UBE3A: variants seen among roughly 807,000 people sequenced by gnomAD.
The protein encoded by UBE3A is ubiquitin protein ligase E3A, also known as ubiquitin-protein ligase E3A.
In UBE3A, 6 loss-of-function variants were observed where a neutral mutation model predicts 83.4. The ratio of observed to expected loss-of-function variants is 0.07; its 90% CI spans 0.04 to 0.14. UBE3A has a LOEUF of 0.14. UBE3A is among the 10% of genes least tolerant of loss of function. UBE3A has a pLI of 1.00. For synonymous variants in UBE3A, 337 were observed against 355.4 expected, an observed-to-expected ratio of 0.95 and a Z score of 0.58; for missense variants, 456 against 1,036.1, an observed-to-expected ratio of 0.44 and a Z score of 7.69.
At chr15:25,396,798 A>G (rs961506637) in intron 4 of UBE3A, among the ~76,000 whole-genome samples, 3 of 151,556 alleles carry the variant, frequency 2.0e-5, no homozygotes, top group Non-Finnish European at 4.4e-5. Context: ...TTTTTTTTTT[A>G]CTATGCTCTT....
chr15:25,369,612 T>C (rs1333407583), intron 6 of UBE3A, among the ~76,000 whole-genome samples: 3 of 152,154 alleles, frequency 2.0e-5, no homozygotes, highest in African/African-American at 7.2e-5. Context: ...TTTGTTGACA[T>C]TAAATTTTAC....
chr15:25,405,147 T>C (rs1449850810), intron 4 of UBE3A, among the ~76,000 whole-genome samples: 2 of 148,976 alleles, frequency 1.3e-5, no homozygotes, highest in Non-Finnish European at 3.0e-5. Context: ...GCCTTAAATA[T>C]GGTAGGCGTT....
chr15:25,364,074 A>AT (rs57025744), intron 6 of UBE3A, among the ~76,000 whole-genome samples: 9 of 147,894 alleles, frequency 6.1e-5, no homozygotes, highest in African/African-American at 7.5e-5. Context: ...AAATAAATAA[A>AT]AAATAGTGGG....
chr15:25,358,067 A>G (rs1054530487), intron 7 of UBE3A, among the ~76,000 whole-genome samples: 2 of 151,694 alleles, frequency 1.3e-5, no homozygotes, highest in African/African-American at 4.8e-5. Flanking sequence ...GGCCTTTTTT[A>G]TATCACTCAT....
At chr15:25,427,329 A>G (rs1476251042) in intron 1 of UBE3A, among the ~76,000 whole-genome samples, 1 of 151,974 alleles carries the variant, frequency 6.6e-6, no homozygotes, top group Non-Finnish European at 1.5e-5. Flanking sequence ...GGCTTCCCTG[A>G]GTAATATTTA....
intron 5 of UBE3A, chr15:25,374,156 CG>C (rs2080795759): frequency 6.6e-6 from 1 of 152,078 alleles, no homozygotes; most frequent in Non-Finnish European, 1.5e-5. Context: ...AAACCAGTAA[CG>C]AACAGGGAAC....
intron 4 of UBE3A, among the ~76,000 whole-genome samples, chr15:25,390,635 A>G (rs1460459734): frequency 2.6e-5 from 4 of 152,208 alleles, no homozygotes; most frequent in Non-Finnish European, 4.4e-5. Flanking sequence ...GGAGGGAAGG[A>G]AAGATAAATA....
intron 12 of UBE3A, chr15:25,339,543 T>G: frequency 3.3e-6 from 1 of 302,490 alleles, no homozygotes. Context: ...TAACTAAATC[T>G]TTCCACAACA....
chr15:25,377,960 T>C (rs1010578652), intron 4 of UBE3A, among the ~76,000 whole-genome samples: 20 of 150,312 alleles, frequency 1.3e-4, no homozygotes, highest in East Asian at 4.7e-4. Context: ...GCATTTTCTC[T>C]GGATGATGTG....
intron 9 of UBE3A, 112 bp downstream of exon 9, chr15:25,355,780 A>G: frequency 9.3e-7 from 1 of 1,070,888 alleles, no homozygotes. Context: ...AAACTTAGTT[A>G]CTTGTTTTTT....
intron 1 of UBE3A, among the ~76,000 whole-genome samples, chr15:25,433,784 A>T (rs1450269364): frequency 2.6e-5 from 4 of 152,146 alleles, no homozygotes; most frequent in Non-Finnish European, 5.9e-5. Flanking sequence ...AGTATTTTTT[A>T]AAAATGCTCA....
chr15:25,390,503 A>C (rs915873073), intron 4 of UBE3A, among the ~76,000 whole-genome samples: 1 of 152,202 alleles, frequency 6.6e-6, no homozygotes, highest in African/African-American at 2.4e-5. Flanking sequence ...ACTTTAATGC[A>C]TATTAGTAAG....
At chr15:25,364,982 T>C (rs552853690) in intron 6 of UBE3A, among the ~76,000 whole-genome samples, 1 of 152,274 alleles carries the variant, frequency 6.6e-6, no homozygotes, top group Non-Finnish European at 1.5e-5. Context: ...GTGTATGTTG[T>C]ATTTATTTAA....
chr15:25,341,402 A>T (rs555846807), intron 11 of UBE3A, among the ~76,000 whole-genome samples: 45 of 150,476 alleles, frequency 3.0e-4, no homozygotes, highest in African/African-American at 7.5e-4. Context: ...TTAAAAAATT[A>T]AAAAAAAAAT....
rs544747285 is a variant in UBE3A, at chr15:25,427,841, A to T, written c.-165+10648T>A. 4.1e-3 allele frequency among the ~76,000 whole-genome samples: 616 copies of T among 151,404 alleles called. 5 individuals carry two copies. Among genetic ancestry groups the T allele is most frequent in the African/African-American group, 0.014 (581 of 41,288 alleles). The stretch of plus-strand genomic sequence containing the variant: ...AGGTGGGTGGGGTGGGGAGAATTCA[A>T]TAATTAGGACGAATAGACTTTAAAA... On this transcript the variant is annotated intron_variant, in intron 1 of 12. Coordinates refer to ENST00000648336, the MANE Select transcript of UBE3A (RefSeq NM_130839.5).
chr15:25,426,685 T>C (rs1277674436), intron 1 of UBE3A, among the ~76,000 whole-genome samples: 8 of 152,190 alleles, frequency 5.3e-5, no homozygotes, highest in Non-Finnish European at 1.2e-4. Flanking sequence ...ATCTACCCCA[T>C]CTAATTCTAA....
chr15:25,356,367 G>A (rs112486387), intron 8 of UBE3A, among the ~76,000 whole-genome samples: 2 of 152,214 alleles, frequency 1.3e-5, no homozygotes, highest in African/African-American at 4.8e-5. Flanking sequence ...CACACTCGTT[G>A]TAACTACCAA....
At position 25,400,393 on chromosome 15, in the gene UBE3A, T is replaced by C. The variant is rs996120642; in HGVS notation, c.62+5068A>G. ...ATACTTTAAATCATTACTTAGTACC[T>C]AATACAACGTAAATGCTATGTAAAT... is the stretch of plus-strand genomic sequence containing the variant. On this transcript the variant is annotated intron_variant, in intron 4 of 12. Transcript: ENST00000648336. Among the ~76,000 whole-genome samples the C allele has an allele frequency of 3.3e-5, 5 of 152,230 alleles. No homozygotes were observed. The South Asian group carries it at 1.0e-3, about 31-fold the overall frequency.
chr15:25,333,928 A>T lies in UBE3A; in HGVS notation c.*5209T>A, dbSNP rs533566484. 6.6e-6 allele frequency: 1 copy of T among 152,074 alleles called. No homozygotes were observed. The highest frequency in any genetic ancestry group is 1.5e-5 in the Non-Finnish European group (1 of 67,996). 9.4% of individuals were successfully genotyped at this position (152,074 alleles called of 1,614,324 possible). On this transcript the variant is annotated 3_prime_UTR_variant, in exon 13 of 13. Transcript: ENST00000648336. ...TTTTTTTGATTAAAAAACACTCAGT[A>T]AACTAGGTTTAATAAAAGAATTTCC... is the stretch of plus-strand genomic sequence containing the variant.
Sources: gnomAD v4.1 joint callset for allele counts (sites outside exome capture counted in the v4.1 genomes callset) on GRCh38, gnomAD v4.1.1 for gene constraint, MANE v1.5 for transcripts, NCBI Gene and HGNC (gene_info 2026-07-23, HGNC 2026-07-21) for gene names.